The following GALK1 variants were observed in gnomAD, a reference collection of about 807,000 sequenced individuals.
GALK1 encodes the protein galactokinase 1.
Under a neutral mutation model 38.6 loss-of-function variants are expected in GALK1, and 30 were observed. The ratio of observed to expected loss-of-function variants is 0.78; its 90% CI spans 0.58 to 1.05. The LOEUF (loss-of-function observed/expected upper bound fraction) is 1.05, where lower values mean the gene tolerates loss of function less well. Ranked by LOEUF, GALK1 falls within the 50% of genes least tolerant of loss-of-function variation. GALK1 has a pLI of 0.00. For missense variants in GALK1, 512 were observed against 540.5 expected, an observed-to-expected ratio of 0.95 and a Z score of 0.52; for synonymous variants, 240 against 233.6, an observed-to-expected ratio of 1.03 and a Z score of -0.25.
At chr17:75,763,875 G>A in intron 2 of GALK1, 22 bp downstream of exon 2, 3 of 1,610,272 alleles carry the variant, frequency 1.9e-6, no homozygotes, top group Non-Finnish European at 2.5e-6. Context: ...GTGAGGACTT[G>A]GCTCAGGCCT....
At chr17:75,754,950 ACACGTG>A (rs1297666941), downstream of GALK1, 12 of 1,376,852 alleles carry the variant, frequency 8.7e-6, no homozygotes, top group African/African-American at 7.2e-5. Flanking sequence ...ATGCACGCAC[ACACGTG>A]CACACGCATG....
downstream of GALK1, chr17:75,755,123 C>T (rs369402815): frequency 1.7e-5 from 27 of 1,610,014 alleles, no homozygotes; most frequent in African/African-American, 5.3e-5. Context: ...GTCCCGGAGT[C>T]GGGCTCAGAT....
rs562063061 is a variant in GALK1, at chr17:75,759,472, C to G, written c.794-873G>C. ...AAGAAAGAAATGAATGGAAATGAGA[C>G]AGTGGGTGGTGTTTTAGGAGGGAAG... is the stretch of plus-strand genomic sequence containing the variant. On this transcript the variant is annotated intron_variant, in intron 5 of 7. Coordinates refer to ENST00000588479, the MANE Select transcript of GALK1 (RefSeq NM_000154.2). Among the ~76,000 whole-genome samples, 14 of 150,668 alleles carry G rather than the reference C, an allele frequency of 9.3e-5. 1 individual carries two copies. In the South Asian group the frequency reaches 3.0e-3, roughly 32 times the overall value.
At chr17:75,754,718 C>T (rs559388831), downstream of GALK1, 7 of 1,614,172 alleles carry the variant, frequency 4.3e-6, no homozygotes, top group East Asian at 2.2e-5. Context: ...CATCCTCCAC[C>T]CTCACACGGG....
chr17:75,754,946 G>A (rs904474235), downstream of GALK1: 22 of 1,404,746 alleles, frequency 1.6e-5, no homozygotes, highest in Middle Eastern at 1.8e-4. Flanking sequence ...ACACATGCAC[G>A]CACACACGTG....
At chr17:75,761,619 C>CA (rs1308592639) in intron 5 of GALK1, among the ~76,000 whole-genome samples, 45 of 48,508 alleles carry the variant, frequency 9.3e-4, no homozygotes, top group East Asian at 1.2e-3. Flanking sequence ...TCCACCTCAC[C>CA]AAAAAAAAAA....
In GALK1 at chr17:75,763,998, G is replaced by T. The variant is rs768640109; in HGVS notation, c.254C>A (p.Pro85His). 3 of 1,611,168 alleles carry T rather than the reference G, an allele frequency of 1.9e-6. No individual in the cohort carries two copies. In the African/African-American group the frequency reaches 4.0e-5, roughly 22 times the overall value. ...GGGCAGTGGAAACTGCAGCCGCTGG[G>T]GCTCATCGGCACCCTCAGAGGTGGT... Reference protein sequence around the residue: ...LLTTSEGADEPQRLQFPLPTA... With the variant: ...LLTTSEGADEHQRLQFPLPTA... Residue 85 changes from proline to histidine, a missense_variant, in exon 2 of 8, where the codon CCC (proline) becomes CAC (histidine). By Grantham distance (77) the Pro-to-His change is moderately conservative. Coordinates refer to ENST00000588479, the MANE Select transcript of GALK1 (RefSeq NM_000154.2).
At chr17:75,753,576 G>A (rs115720711), downstream of GALK1, among the ~76,000 whole-genome samples, 860 of 152,304 alleles carry the variant, frequency 5.6e-3, 9 homozygotes, top group African/African-American at 0.017. Context: ...CTTCAGCCGC[G>A]CAAGGGTTTC....
At chr17:75,754,961 C>CACATGCACACACAT (rs3988219), downstream of GALK1, 1 of 1,529,320 alleles carries the variant, frequency 6.5e-7, no homozygotes, top group Non-Finnish European at 9.0e-7. Flanking sequence ...CACGTGCACA[C>CACATGCACACACAT]GCATGCACAC....
chr17:75,755,056 C>A, downstream of GALK1: 2 of 1,596,862 alleles, frequency 1.3e-6, no homozygotes, highest in Non-Finnish European at 1.7e-6. Context: ...CTGCCCTAGG[C>A]CTCCCTCCCA....
At position 75,758,124 on chromosome 17, in the gene GALK1, G is replaced by C; in HGVS notation, c.1111C>G (p.His371Asp). ...APHAMRHIQEHYGGTATFYLS... is the reference protein window; with the variant it reads ...APHAMRHIQEDYGGTATFYLS... ...TAGAAGGTGGCAGTCCCGCCGTAGT[G>C]CTCCTGTAAGAGGCGGGCTGGGGGT... Residue 371 changes from histidine to aspartate, a missense_variant, in exon 8 of 8, where the codon CAC (histidine) becomes GAC (aspartate). Physicochemically the swap from His to Asp is moderately conservative, Grantham distance 81. Transcript: ENST00000588479. The C allele has an allele frequency of 6.2e-7, 1 of 1,612,680 alleles. No homozygotes were observed. Among genetic ancestry groups the C allele is most frequent in the Non-Finnish European group, 8.5e-7 (1 of 1,179,910 alleles).
At chr17:75,763,197 G>T in intron 3 of GALK1, 48 bp from the exon 4 acceptor site, 1 of 1,610,030 alleles carries the variant, frequency 6.2e-7, no homozygotes, top group Non-Finnish European at 8.5e-7. Context: ...GGAAGCAGCA[G>T]TGGCTTCAAT....
downstream of GALK1, chr17:75,753,703 C>A: frequency 8.6e-7 from 1 of 1,162,258 alleles, no homozygotes; most frequent in South Asian, 2.7e-5. Flanking sequence ...CCTTCCCCCG[C>A]CTGGCCCTGC....
chr17:75,761,656 G>A (rs1205634268), intron 5 of GALK1, among the ~76,000 whole-genome samples: 1 of 146,886 alleles, frequency 6.8e-6, no homozygotes, highest in Non-Finnish European at 1.5e-5. Context: ...GAGCCACACC[G>A]AGATATGCCT....
chr17:75,763,710 A>G (rs2061597973), intron 2 of GALK1, 187 bp downstream of exon 2: 2 of 732,848 alleles, frequency 2.7e-6, no homozygotes, highest in South Asian at 3.3e-5. Context: ...GGCTCCTCCA[A>G]TCAGGTCACG....
downstream of GALK1, chr17:75,756,972 G>C: frequency 6.2e-7 from 1 of 1,612,792 alleles, no homozygotes; most frequent in Non-Finnish European, 8.5e-7. Context: ...GGTGGATGGA[G>C]ACAGCCCCGA....
rs780967150 is a variant in GALK1 at position 75,758,007 on chromosome 17, A to G, written c.*49T>C. The G allele has an allele frequency of 6.3e-7, 1 of 1,597,018 alleles. No individual in the cohort carries two copies. Among genetic ancestry groups the G allele is most frequent in the Non-Finnish European group, 8.6e-7 (1 of 1,167,404 alleles). On this transcript the variant is annotated 3_prime_UTR_variant, in exon 8 of 8. Coordinates refer to ENST00000588479, the MANE Select transcript of GALK1 (RefSeq NM_000154.2). The stretch of plus-strand genomic sequence containing the variant: ...ATGGCACCGGGCACAGAGCCGTGGG[A>G]CTGGCCTGCAGGCCCCGCACCCTCA...
chr17:75,762,778 C>T lies in GALK1; in HGVS notation c.719G>A (p.Arg240Gln), dbSNP rs145837971. The change falls in exon 5 of 8, where the codon CGG (arginine) becomes CAG (glutamine). Residue 240 changes from arginine (R) to glutamine (Q), a missense_variant. Physicochemically the swap from Arg to Gln is conservative, Grantham distance 43. Transcript: ENST00000588479. ...CCGGGCCACTTCTTCACATTGGCGC[C>T]GCCGCACAGGGTACTCGCTGGAGGC... Reference protein sequence around the residue: ...SLASSEYPVRRRQCEEVARAL... With the variant: ...SLASSEYPVRQRQCEEVARAL... The T allele has an allele frequency of 3.2e-5, 51 of 1,613,788 alleles. No individual in the cohort carries two copies. In the African/African-American group the frequency reaches 3.5e-4, roughly 11 times the overall value.
chr17:75,756,736 C>G, downstream of GALK1: 1 of 1,613,232 alleles, frequency 6.2e-7, no homozygotes, highest in South Asian at 1.1e-5. Context: ...TCCCAGTGCC[C>G]CAGGCCCGCT....
Sources: gnomAD v4.1 joint callset for allele counts (sites outside exome capture counted in the v4.1 genomes callset) on GRCh38, gnomAD v4.1.1 for gene constraint, MANE v1.5 for transcripts, NCBI Gene and HGNC (gene_info 2026-07-23, HGNC 2026-07-21) for gene names.